The following COL16A1 variants were observed in gnomAD, a reference collection of about 807,000 sequenced individuals.
COL16A1 encodes the protein collagen alpha-1(XVI) chain.
Under a neutral mutation model 266.3 loss-of-function variants are expected in COL16A1, and 189 were observed. The observed-to-expected ratio is 0.71, with a 90% CI of 0.63 to 0.80. COL16A1 has a LOEUF of 0.80. Among genes scored for constraint, COL16A1 ranks in the 30% least tolerant of loss-of-function variants. The pLI, the probability that COL16A1 is intolerant of heterozygous loss-of-function variation, is 0.00. For synonymous variants in COL16A1, 740 were observed against 782.3 expected, an observed-to-expected ratio of 0.95 and a Z score of 0.90; for missense variants, 1,928 against 2,122.4, an observed-to-expected ratio of 0.91 and a Z score of 1.80.
chr1:31,688,342 AT>A lies in COL16A1; in HGVS notation c.1803+124del. The A allele has an allele frequency of 9.0e-7, 1 of 1,116,702 alleles. No homozygotes were observed. Among genetic ancestry groups the A allele is most frequent in the Non-Finnish European group, 1.3e-6 (1 of 743,464 alleles). The allele number at this position is 1,116,702 out of a possible 1,614,324, so 69.2% of individuals were successfully genotyped here. On this transcript the variant is annotated intron_variant, in intron 26 of 70. Transcript: ENST00000373672. The surrounding 1 kb of genome is among the most constrained non-coding windows in gnomAD (Gnocchi z 4.9). Reference sequence around the variant, plus strand: ...AAGTCTGCAAAACACTAGTAAATTAATTTCACTGTGAATTTACCGTCTGAAT... The same window carrying A: ...AAGTCTGCAAAACACTAGTAAATTAATTCACTGTGAATTTACCGTCTGAAT...
intron 9 of COL16A1, 82 bp downstream of exon 9, chr1:31,696,006 G>A: frequency 2.4e-6 from 3 of 1,275,064 alleles, no homozygotes; most frequent in Non-Finnish European, 3.4e-6. Context: ...AGTGGGAGTG[G>A]AGCACCTTAT....
At chr1:31,675,905 G>A (rs1002019024) in intron 42 of COL16A1, among the ~76,000 whole-genome samples, 8 of 152,182 alleles carry the variant, frequency 5.3e-5, no homozygotes, top group African/African-American at 1.9e-4. Flanking sequence ...GATCCTCCCC[G>A]CTCAGCCTCT....
intron 62 of COL16A1, chr1:31,659,787 C>A (rs1159400727): frequency 1.3e-5 from 2 of 152,130 alleles, no homozygotes; most frequent in African/African-American, 4.8e-5. Context: ...GAACCCTGCA[C>A]CCCCTCAACC....
intron 13 of COL16A1, 56 bp from the exon 14 acceptor site, chr1:31,692,864 T>A (rs542544769): frequency 6.5e-7 from 1 of 1,543,788 alleles, no homozygotes; most frequent in South Asian, 1.1e-5. Context: ...GTCCCCTAGA[T>A]GTGTTGTGAG....
rs1304702625 is a variant in COL16A1 at position 31,685,489 on chromosome 1, C to T, written c.2016+150G>A. The stretch of plus-strand genomic sequence containing the variant: ...AGGGCAGAGACCTGTGAGGGCCGCT[C>T]CTGCTGGAGACAGAGGCTCTGACCC... On this transcript the variant is annotated intron_variant, in intron 29 of 70. Coordinates refer to ENST00000373672, the MANE Select transcript of COL16A1 (RefSeq NM_001856.4). This position sits in a 1 kb window ranked among gnomAD's most constrained non-coding sequence, Gnocchi z 4.0. 13 of 1,039,826 alleles carry T rather than the reference C, an allele frequency of 1.3e-5. No individual in the cohort carries two copies. The highest frequency in any genetic ancestry group is 6.5e-4 in the Middle Eastern group (2 of 3,078). The allele number at this position is 1,039,826 out of a possible 1,614,324, so 64.4% of individuals were successfully genotyped here.
rs544316719 is a variant in COL16A1 at position 31,670,285 on chromosome 1, C to T, written c.3195+317G>A. On this transcript the variant is annotated intron_variant, in intron 49 of 70. Coordinates refer to ENST00000373672, the MANE Select transcript of COL16A1 (RefSeq NM_001856.4). This position sits in a 1 kb window ranked among gnomAD's most constrained non-coding sequence, Gnocchi z 4.5. Reference sequence around the variant, plus strand: ...GGCACCAGCTTAAGAGGAAGGTTCACGAGCTCAGGAGGACTTGGGGGAGTG... The same window carrying T: ...GGCACCAGCTTAAGAGGAAGGTTCATGAGCTCAGGAGGACTTGGGGGAGTG... 1.2e-5 allele frequency: 4 copies of T among 331,556 alleles called. No individual in the cohort carries two copies. The highest frequency in any genetic ancestry group is 9.8e-5 in the Admixed American group (2 of 20,416). The allele number at this position is 331,556 out of a possible 1,614,324, so 20.5% of individuals were successfully genotyped here. A position where few individuals can be genotyped will look rare whatever the true frequency, so the allele number is the denominator to read the frequency against.
Position 31,689,776 on chromosome 1 carries a change from G to A in COL16A1, c.1585C>T (p.Pro529Ser). The A allele has an allele frequency of 6.2e-7, 1 of 1,614,116 alleles. No individual in the cohort carries two copies. The highest frequency in any genetic ancestry group is 8.5e-7 in the Non-Finnish European group (1 of 1,179,994). The change falls in exon 23 of 71, where the codon CCC (proline) becomes TCC (serine). Residue 529 changes from proline (P) to serine (S), a missense_variant. Transcript: ENST00000373672. ...ACAGGATCACCAGGCTCCCCTTTGGGCCCTGGCTTTCCAGGAAGTCCAACA... is the reference window on the plus strand; with the variant it reads ...ACAGGATCACCAGGCTCCCCTTTGGACCCTGGCTTTCCAGGAAGTCCAACA... ...NFVGLPGKPG[P>S]KGEPGDPVPA...
In COL16A1 at chr1:31,655,457, C is replaced by A; in HGVS notation, c.4147G>T (p.Gly1383Trp). Residue 1383 changes from glycine to tryptophan, a missense_variant, in exon 67 of 71, where the codon GGG becomes TGG. This residue lies in a region of COL16A1 where 376 missense variants were observed against 485.2 expected (regional missense o/e 0.77). Transcript: ENST00000373672. ...AGQKGQAGEKGRAGMPGGPGK... is the reference protein window; with the variant it reads ...AGQKGQAGEKWRAGMPGGPGK... ...GGTCCACCAGGCATGCCGGCTCTCC[C>A]CTTCTCTCCTGCCTGGCCCTTCTGT... is the stretch of plus-strand genomic sequence containing the variant. 6.2e-7 allele frequency: 1 copy of A among 1,614,160 alleles called. No homozygotes were observed. The highest frequency in any genetic ancestry group is 8.5e-7 in the Non-Finnish European group (1 of 1,180,030).
Position 31,697,408 on chromosome 1 carries a change from T to A in COL16A1, c.658-108A>T. The A allele has an allele frequency of 8.7e-7, 1 of 1,149,016 alleles. No homozygotes were observed. Among genetic ancestry groups the A allele is most frequent in the African/African-American group, 1.5e-5 (1 of 64,832 alleles). 71.2% of individuals were successfully genotyped at this position (1,149,016 alleles called of 1,614,324 possible). A position where few individuals can be genotyped will look rare whatever the true frequency, so the allele number is the denominator to read the frequency against. ...TCTGCCCCAGGATGTGACCTCAGGG[T>A]GTTTCCAGTCTGGCCTGGGAGACAT... On this transcript the variant is annotated intron_variant, in intron 6 of 70. Transcript: ENST00000373672. The surrounding 1 kb of genome is among the most constrained non-coding windows in gnomAD (Gnocchi z 4.2).
rs1413642737 is a variant in COL16A1, at chr1:31,672,790, G to A, written c.2910C>T (p.Leu970=). 7.4e-6 allele frequency: 12 copies of A among 1,614,020 alleles called. No homozygotes were observed. The highest frequency in any genetic ancestry group is 2.2e-5 in the South Asian group (2 of 91,088). The change falls in exon 45 of 71, where the codon CTC becomes CTT. Residue 970 remains leucine, a synonymous_variant. Coordinates refer to ENST00000373672, the MANE Select transcript of COL16A1 (RefSeq NM_001856.4). ...VQGQRAHPGY[L]VEKGEKGDQG... ...GGTCTCCCTTCTCTCCCTTCTCCAC[G>A]AGGTACCCTGGGTGGGCCCTCTGCC...
In COL16A1 at chr1:31,656,367, T is replaced by G. The variant is rs1473835797; in HGVS notation, c.4101+33A>C. The G allele has an allele frequency of 6.2e-7, 1 of 1,612,182 alleles. No individual in the cohort carries two copies. The highest frequency in any genetic ancestry group is 8.5e-7 in the Non-Finnish European group (1 of 1,179,356). The stretch of plus-strand genomic sequence containing the variant: ...AGCTGGGCTTCATCCACTCGTGAGC[T>G]TCTCCTCTCAAGCCCAGCCAGTGCC... On this transcript the variant is annotated intron_variant, in intron 66 of 70. Transcript: ENST00000373672. This position sits in a 1 kb window ranked among gnomAD's most constrained non-coding sequence, Gnocchi z 4.2.
At position 31,655,251 on chromosome 1, in the gene COL16A1, G is replaced by A. The variant is rs925962373; in HGVS notation, c.4290+63C>T. 46 of 1,542,408 alleles carry A rather than the reference G, an allele frequency of 3.0e-5. No homozygotes were observed. In the African/African-American group the frequency reaches 3.0e-4, roughly 10 times the overall value. The stretch of plus-strand genomic sequence containing the variant: ...TCAGCAGGAGCTTGGAAGATGATCC[G>A]AGCTCCACCCCACATGCCTGCTCTA... On this transcript the variant is annotated intron_variant, in intron 67 of 70. Coordinates refer to ENST00000373672, the MANE Select transcript of COL16A1 (RefSeq NM_001856.4).
Position 31,697,434 on chromosome 1 carries a change from C to T in COL16A1, c.658-134G>A. 1.2e-6 allele frequency: 1 copy of T among 866,442 alleles called. No homozygotes were observed. The highest frequency in any genetic ancestry group is 1.7e-6 in the Non-Finnish European group (1 of 574,780). The allele number at this position is 866,442 out of a possible 1,614,324, so 53.7% of individuals were successfully genotyped here. A position where few individuals can be genotyped will look rare whatever the true frequency, so the allele number is the denominator to read the frequency against. ...GTTTCCAGTCTGGCCTGGGAGACAT[C>T]AAAAATAGAGTTGTCACCAAAGGCA... On this transcript the variant is annotated intron_variant, in intron 6 of 70. Coordinates refer to ENST00000373672, the MANE Select transcript of COL16A1 (RefSeq NM_001856.4). This position sits in a 1 kb window ranked among gnomAD's most constrained non-coding sequence, Gnocchi z 4.2.
At chr1:31,692,138 G>A in intron 16 of COL16A1, 71 bp from the exon 17 acceptor site, 1 of 1,606,470 alleles carries the variant, frequency 6.2e-7, no homozygotes. Context: ...TCCATCTGGT[G>A]GAGGGACAAC....
chr1:31,678,972 T>G (rs960809661), intron 42 of COL16A1, among the ~76,000 whole-genome samples: 1 of 152,212 alleles, frequency 6.6e-6, no homozygotes, highest in Non-Finnish European at 1.5e-5. Flanking sequence ...CCTCTGGGCC[T>G]TTGCACCGGC....
chr1:31,690,245 G>T (rs186818076), intron 22 of COL16A1, 122 bp downstream of exon 22: 2 of 1,455,242 alleles, frequency 1.4e-6, no homozygotes, highest in Non-Finnish European at 1.9e-6. Flanking sequence ...GAGGAAGAAC[G>T]GGTGGGGGTC....
chr1:31,691,339 C>T (rs2297680), intron 19 of COL16A1, 78 bp downstream of exon 19: 3 of 1,580,548 alleles, frequency 1.9e-6, no homozygotes, highest in Admixed American at 1.8e-5. Flanking sequence ...GCCTTATCTT[C>T]CCCCCGTTCA....
At chr1:31,667,514 G>T (rs1448820919) in intron 52 of COL16A1, 61 bp downstream of exon 52, 1 of 1,436,034 alleles carries the variant, frequency 7.0e-7, no homozygotes, top group Admixed American at 2.0e-5. Context: ...CAAGTCTCCA[G>T]CCCGAGACTG....
In COL16A1 at chr1:31,652,853, C is replaced by A; in HGVS notation, c.4613G>T (p.Gly1538Val). 2 of 1,503,232 alleles carry A rather than the reference C, an allele frequency of 1.3e-6. No homozygotes were observed. The highest frequency in any genetic ancestry group is 1.8e-6 in the Non-Finnish European group (2 of 1,128,162). 93.1% of individuals were successfully genotyped at this position (1,503,232 alleles called of 1,614,324 possible). A position where few individuals can be genotyped will look rare whatever the true frequency, so the allele number is the denominator to read the frequency against. The change falls in exon 71 of 71, where the codon GGT becomes GTT. Residue 1538 changes from glycine to valine, a missense_variant and splice_region_variant. Around this residue, in one of 2 missense-constraint regions of COL16A1, gnomAD observed 376 missense variants for 485.2 expected, o/e 0.77. Coordinates refer to ENST00000373672, the MANE Select transcript of COL16A1 (RefSeq NM_001856.4). The surrounding 1 kb of genome is among the most constrained non-coding windows in gnomAD (Gnocchi z 4.8). ...AGENGLPGPP[G>V]PQGPPGYGKM... ...GCCATAGCCTGGAGGACCTTGAGGA[C>A]CTAGGGAGGGAAGGGCCACAGAGGG...
Sources: allele counts gnomAD v4.1 joint callset (sites outside exome capture counted in the v4.1 genomes callset), GRCh38; gene constraint gnomAD v4.1.1; regional missense constraint gnomAD v4.1.1; non-coding constraint Gnocchi (gnomAD v3.1); transcripts MANE v1.5; gene names NCBI Gene and HGNC (gene_info 2026-07-23, HGNC 2026-07-21).